Variants in PHF14 observed in about 807,000 individuals in gnomAD.
PHF14 encodes the protein PHD finger protein 14.
Under a neutral mutation model 117.9 loss-of-function variants are expected in PHF14, and 55 were observed. That is an observed-to-expected ratio of 0.47 (90% confidence interval 0.38 to 0.58). The LOEUF (loss-of-function observed/expected upper bound fraction) is 0.58. PHF14 is among the 20% of genes least tolerant of loss of function. The probability of loss-of-function intolerance (pLI) is 0.00; values close to 1 mark genes in which losing one functional copy is unlikely to be tolerated. For missense variants in PHF14, 978 were observed against 1,122.2 expected, an observed-to-expected ratio of 0.87 and a Z score of 1.84; for synonymous variants, 409 against 368.6, an observed-to-expected ratio of 1.11 and a Z score of -1.26.
chr7:10,988,727 A>G (rs927152417), intron 3 of PHF14, among the ~76,000 whole-genome samples: 2 of 152,082 alleles, frequency 1.3e-5, no homozygotes, highest in Non-Finnish European at 2.9e-5. Flanking sequence ...TTAACAAGAG[A>G]TACAGCGGAA....
intron 16 of PHF14, among the ~76,000 whole-genome samples, chr7:11,095,874 T>C (rs1464034255): frequency 6.6e-6 from 1 of 152,084 alleles, no homozygotes; most frequent in Non-Finnish European, 1.5e-5. Flanking sequence ...CTCATCACCA[T>C]TGAAATTGGA....
At chr7:11,018,650 T>C (rs1011534535) in intron 5 of PHF14, among the ~76,000 whole-genome samples, 2 of 152,190 alleles carry the variant, frequency 1.3e-5, no homozygotes, top group African/African-American at 4.8e-5. Flanking sequence ...ATGAGGTCTT[T>C]AGGTTTTTCC....
chr7:11,103,570 T>C lies in PHF14; in HGVS notation c.2655-7780T>C, dbSNP rs1461348564. ...TTGAACTGATTTAGAAGAGACTCTT[T>C]GCTGAAATTGAATTGCACTTATACA... On this transcript the variant is annotated intron_variant, in intron 16 of 17. Coordinates refer to ENST00000634607, the MANE Select transcript of PHF14 (RefSeq NM_001007157.2). 4.1e-6 allele frequency: 4 copies of C among 984,500 alleles called. No individual in the cohort carries two copies. In the African/African-American group the frequency reaches 5.2e-5, roughly 13 times the overall value. 61.0% of individuals were successfully genotyped at this position (984,500 alleles called of 1,614,324 possible).
chr7:10,989,146 T>C (rs1314884949), intron 3 of PHF14, among the ~76,000 whole-genome samples: 1 of 152,208 alleles, frequency 6.6e-6, no homozygotes, highest in Non-Finnish European at 1.5e-5. Context: ...GAAATGATAC[T>C]ATATTCTTGT....
At chr7:11,077,558 G>A (rs374784102) in intron 16 of PHF14, among the ~76,000 whole-genome samples, 43 of 138,590 alleles carry the variant, frequency 3.1e-4, no homozygotes, top group Admixed American at 1.3e-3. Context: ...CCCAGATCGC[G>A]CCACTGCACT....
intron 4 of PHF14, among the ~76,000 whole-genome samples, chr7:10,997,432 T>C (rs558287461): frequency 6.6e-6 from 1 of 152,314 alleles, no homozygotes; most frequent in African/African-American, 2.4e-5. Flanking sequence ...TTCTTTCTTA[T>C]TTTAGATGCT....
intron 8 of PHF14, 31 bp from the exon 9 acceptor site, chr7:11,036,387 C>T (rs761403761): frequency 6.6e-7 from 1 of 1,512,708 alleles, no homozygotes; most frequent in South Asian, 1.2e-5. Flanking sequence ...ATTTTATTAT[C>T]TTTTAAAATT....
intron 17 of PHF14, among the ~76,000 whole-genome samples, chr7:11,112,265 C>T (rs1787471307): frequency 6.6e-6 from 1 of 152,066 alleles, no homozygotes. Flanking sequence ...GACATCCAGC[C>T]ATCTTTCTTC....
At chr7:11,102,586 G>A (rs1165386420) in intron 16 of PHF14, 5 of 1,593,012 alleles carry the variant, frequency 3.1e-6, no homozygotes, top group Non-Finnish European at 4.3e-6. Flanking sequence ...TTAAACTCTC[G>A]ATAGAGTACA....
At chr7:11,081,020 A>G (rs975960003) in intron 16 of PHF14, among the ~76,000 whole-genome samples, 3 of 152,206 alleles carry the variant, frequency 2.0e-5, no homozygotes, top group Admixed American at 2.0e-4. Flanking sequence ...ACCAAAAGCC[A>G]TTTATACCAC....
chr7:11,035,826 A>G (rs1308057760), intron 8 of PHF14, 40 bp downstream of exon 8: 2 of 1,503,912 alleles, frequency 1.3e-6, no homozygotes, highest in South Asian at 1.3e-5. Flanking sequence ...TTTTGTTTTA[A>G]GGTTATGTAA....
Position 11,067,718 on chromosome 7 carries a change from A to T in PHF14, c.2654+5633A>T, listed in dbSNP as rs1002369510. The stretch of plus-strand genomic sequence containing the variant: ...AATTCTCATTGTTGGGAAGCTCAAG[A>T]TTGGGCATCTGCATCTGGTGAGGAC... On this transcript the variant is annotated intron_variant, in intron 16 of 17. Transcript: ENST00000634607. Among the ~76,000 whole-genome samples the T allele has an allele frequency of 4.6e-5, 7 of 152,282 alleles. No individual in the cohort carries two copies. In the East Asian group the frequency reaches 1.4e-3, roughly 29 times the overall value.
chr7:11,063,601 T>G, intron 16 of PHF14: 2 of 975,934 alleles, frequency 2.0e-6, no homozygotes, highest in Non-Finnish European at 2.4e-6. Flanking sequence ...ACTAATTTTT[T>G]TTTTTTAATA....
At chr7:11,059,387 C>CT (rs1403328402) in intron 14 of PHF14, among the ~76,000 whole-genome samples, 6 of 152,150 alleles carry the variant, frequency 3.9e-5, no homozygotes, top group Non-Finnish European at 8.8e-5. Context: ...GTATGGAAGT[C>CT]TTTTGCACAT....
chr7:11,108,170 A>G (rs887621602), intron 16 of PHF14: 1 of 151,758 alleles, frequency 6.6e-6, no homozygotes, highest in East Asian at 1.9e-4. Context: ...ACTTGTGTCC[A>G]GTAAGATGTT....
intron 4 of PHF14, among the ~76,000 whole-genome samples, chr7:11,002,067 CAG>C (rs1433630254): frequency 6.6e-6 from 1 of 151,870 alleles, no homozygotes; most frequent in African/African-American, 2.4e-5. Context: ...TGTTTTGAGA[CAG>C]AGTCTCACTC....
At chr7:11,043,902 G>A (rs923951744) in intron 13 of PHF14, among the ~76,000 whole-genome samples, 6 of 152,022 alleles carry the variant, frequency 3.9e-5, no homozygotes, top group Non-Finnish European at 5.9e-5. Flanking sequence ...GAGTTATGCA[G>A]TTCTCTCCTT....
intron 6 of PHF14, among the ~76,000 whole-genome samples, chr7:11,025,898 G>A (rs1285908589): frequency 6.6e-6 from 1 of 152,116 alleles, no homozygotes; most frequent in Non-Finnish European, 1.5e-5. Flanking sequence ...GGTCACCTGA[G>A]GTCAGGAGTT....
intron 17 of PHF14, among the ~76,000 whole-genome samples, chr7:11,156,541 T>C (rs992113926): frequency 1.3e-5 from 2 of 152,190 alleles, no homozygotes; most frequent in Non-Finnish European, 1.5e-5. Context: ...ATGCCTGTAA[T>C]CTCAGCACTG....
Sources: gnomAD v4.1 joint callset for allele counts (sites outside exome capture counted in the v4.1 genomes callset) on GRCh38, gnomAD v4.1.1 for gene constraint, MANE v1.5 for transcripts, NCBI Gene and HGNC (gene_info 2026-07-23, HGNC 2026-07-21) for gene names.